The following NUP93 variants were observed in gnomAD, a reference collection of about 807,000 sequenced individuals.
The protein encoded by NUP93 is nucleoporin 93.
Under a neutral mutation model 107.8 loss-of-function variants are expected in NUP93, and 55 were observed. The ratio of observed to expected loss-of-function variants is 0.51; its 90% CI spans 0.41 to 0.64. NUP93 has a LOEUF of 0.64. Ranked by LOEUF, NUP93 falls within the 30% of genes least tolerant of loss-of-function variation. The pLI is 0.00. For synonymous variants in NUP93, 390 were observed against 397.5 expected (o/e 0.98, Z 0.22); for missense variants, 937 against 1,044.7 (o/e 0.90, Z 1.42).
intron 18 of NUP93, among the ~76,000 whole-genome samples, 166 bp downstream of exon 18, chr16:56,837,892 C>T (rs1596862489): frequency 6.6e-6 from 1 of 152,218 alleles, no homozygotes; most frequent in East Asian, 1.9e-4. Flanking sequence ...GTTCCTTTGT[C>T]CCCGCATCAG....
rs192736094 is a variant in NUP93, at chr16:56,792,408, C to T, written c.298-6068C>T. 1.6e-4 allele frequency among the ~76,000 whole-genome samples: 25 copies of T among 152,222 alleles called. No individual in the cohort carries two copies. In the East Asian group the frequency reaches 2.3e-3, roughly 14 times the overall value. On this transcript the variant is annotated intron_variant, in intron 3 of 21. Coordinates refer to ENST00000308159, the MANE Select transcript of NUP93 (RefSeq NM_014669.5). ...TGCTATGATGAGAGATAGCATGGAG[C>T]GTGGAAGAGGGAAAACAAGGGGTCA...
intron 1 of NUP93, among the ~76,000 whole-genome samples, chr16:56,730,494 C>T (rs563196743): frequency 6.6e-6 from 1 of 152,210 alleles, no homozygotes; most frequent in African/African-American, 2.4e-5. Context: ...GTGGTGCCCT[C>T]GCGCCACGCC....
intron 3 of NUP93, among the ~76,000 whole-genome samples, chr16:56,791,725 G>C (rs1469291960): frequency 3.3e-5 from 5 of 152,354 alleles, no homozygotes; most frequent in African/African-American, 2.4e-5. Context: ...AGTTAACCTT[G>C]ATGTTACGTT....
intron 3 of NUP93, among the ~76,000 whole-genome samples, chr16:56,764,869 A>T (rs1209151367): frequency 6.6e-6 from 1 of 152,250 alleles, no homozygotes; most frequent in East Asian, 1.9e-4. Flanking sequence ...CTTAATTCTA[A>T]GGCTGAAAGA....
chr16:56,766,550 G>T (rs1405486225), intron 3 of NUP93, among the ~76,000 whole-genome samples: 2 of 152,240 alleles, frequency 1.3e-5, no homozygotes, highest in African/African-American at 4.8e-5. Context: ...TTAAATGGTG[G>T]TTAAAGCCTT....
intron 2 of NUP93, among the ~76,000 whole-genome samples, chr16:56,757,399 G>A (rs891381633): frequency 2.0e-5 from 3 of 152,100 alleles, no homozygotes; most frequent in African/African-American, 7.2e-5. Flanking sequence ...AGGATCGCTT[G>A]GCCAGGAGTT....
chr16:56,798,437 A>T (rs1338407681), intron 3 of NUP93, 39 bp from the exon 4 acceptor site: 1 of 1,574,982 alleles, frequency 6.3e-7, no homozygotes, highest in African/African-American at 1.3e-5. Context: ...ATTTTTTGAA[A>T]GTTAATTTTA....
intron 5 of NUP93, among the ~76,000 whole-genome samples, chr16:56,816,122 C>T (rs1178369704): frequency 1.3e-5 from 2 of 152,116 alleles, no homozygotes; most frequent in African/African-American, 2.4e-5. Context: ...CAAATTGCTT[C>T]GCGTCTCTGT....
intron 3 of NUP93, among the ~76,000 whole-genome samples, chr16:56,765,570 C>G (rs1962202414): frequency 6.6e-6 from 1 of 152,160 alleles, no homozygotes; most frequent in African/African-American, 2.4e-5. Context: ...GGTGTAGTGA[C>G]TGAATTGCAT....
At chr16:56,810,547 G>A (rs146739601) in intron 5 of NUP93, among the ~76,000 whole-genome samples, 1,743 of 152,176 alleles carry the variant, frequency 0.011, 38 homozygotes, top group African/African-American at 0.04. Context: ...TGGGAGGATC[G>A]CTTGTGCCCA....
chr16:56,849,248 G>A lies in NUP93; in HGVS notation c.*4639G>A, dbSNP rs1297274802. On this transcript the variant is annotated 3_prime_UTR_variant, in exon 22 of 22. Transcript: ENST00000308159. ...ACTCAGGGCTGTTCCTTCAAAGACA[G>A]AAACTTGCAGAGCTGCACAGCAGCA... 1 of 152,268 alleles carries A rather than the reference G, an allele frequency of 6.6e-6. No homozygotes were observed. The highest frequency in any genetic ancestry group is 1.5e-5 in the Non-Finnish European group (1 of 68,058). 9.4% of individuals were successfully genotyped at this position (152,268 alleles called of 1,614,324 possible).
intron 3 of NUP93, among the ~76,000 whole-genome samples, chr16:56,784,847 T>C (rs1962591020): frequency 6.6e-6 from 1 of 152,190 alleles, no homozygotes; most frequent in Non-Finnish European, 1.5e-5. Context: ...TTTATCCTAC[T>C]CACTGAGTGC....
chr16:56,837,768 T>A (rs1489521941), intron 18 of NUP93, 42 bp downstream of exon 18: 1 of 1,454,248 alleles, frequency 6.9e-7, no homozygotes, highest in African/African-American at 1.4e-5. Context: ...AGGGTGCCAC[T>A]GCCAGTGCCA....
intron 5 of NUP93, among the ~76,000 whole-genome samples, chr16:56,818,410 G>A (rs536359825): frequency 1.3e-5 from 2 of 152,274 alleles, no homozygotes; most frequent in Admixed American, 6.5e-5. Flanking sequence ...AGTCATTGAG[G>A]TATTGATAGG....
intron 2 of NUP93, among the ~76,000 whole-genome samples, chr16:56,752,486 A>G (rs1276959218): frequency 6.6e-6 from 1 of 152,178 alleles, no homozygotes; most frequent in Non-Finnish European, 1.5e-5. Flanking sequence ...AGAGAAAAGT[A>G]TTTAGTACTC....
intron 2 of NUP93, among the ~76,000 whole-genome samples, chr16:56,754,612 C>T (rs1223617513): frequency 6.6e-6 from 1 of 152,246 alleles, no homozygotes; most frequent in African/African-American, 2.4e-5. Context: ...CTGCAGGGTA[C>T]AGCCCTCTTG....
chr16:56,808,192 A>AACTATATAAAATATATAGTTACG (rs1411286959), intron 5 of NUP93, among the ~76,000 whole-genome samples: 1 of 117,624 alleles, frequency 8.5e-6, no homozygotes, highest in East Asian at 2.3e-4. Context: ...ATATAGTTAT[A>AACTATATAAAATATATAGTTACG]TAACTATATA....
At chr16:56,805,317 G>T (rs1963111883) in intron 4 of NUP93, among the ~76,000 whole-genome samples, 187 bp from the exon 5 acceptor site, 1 of 152,098 alleles carries the variant, frequency 6.6e-6, no homozygotes, top group Non-Finnish European at 1.5e-5. Context: ...CAAAATGCTG[G>T]GATTACAGGT....
At chr16:56,773,234 G>T (rs1415278499) in intron 3 of NUP93, among the ~76,000 whole-genome samples, 1 of 152,232 alleles carries the variant, frequency 6.6e-6, no homozygotes, top group South Asian at 2.1e-4. Flanking sequence ...AAGACATTTG[G>T]TTGCGTTTCT....
Sources: gnomAD v4.1 joint callset for allele counts (sites outside exome capture counted in the v4.1 genomes callset) on GRCh38, gnomAD v4.1.1 for gene constraint, MANE v1.5 for transcripts, NCBI Gene and HGNC (gene_info 2026-07-23, HGNC 2026-07-21) for gene names.